The following RARB variants were observed in gnomAD, a reference collection of about 807,000 sequenced individuals.
The protein encoded by RARB is retinoic acid receptor beta.
In RARB, 17 loss-of-function variants were observed where a neutral mutation model predicts 51.9. The ratio of observed to expected loss-of-function variants is 0.33; its 90% CI spans 0.22 to 0.49. The LOEUF (loss-of-function observed/expected upper bound fraction) is 0.49, where lower values mean the gene tolerates loss of function less well. RARB is among the 20% of genes least tolerant of loss of function. The pLI is 0.99. For missense variants in RARB, 369 were observed against 550.8 expected, an observed-to-expected ratio of 0.67 and a Z score of 3.30; for synonymous variants, 215 against 195.4, an observed-to-expected ratio of 1.10 and a Z score of -0.84.
intron 4 of RARB, among the ~76,000 whole-genome samples, chr3:25,152,208 G>C (rs1286473808): frequency 6.6e-6 from 1 of 152,172 alleles, no homozygotes; most frequent in Non-Finnish European, 1.5e-5. Flanking sequence ...CTCTAGACAT[G>C]TGGATGTCGG....
intron 5 of RARB, among the ~76,000 whole-genome samples, chr3:25,417,251 G>A (rs75348284): frequency 0.073 from 11,061 of 151,372 alleles, 428 homozygotes; most frequent in Middle Eastern, 0.14. Context: ...TGTGAGAATG[G>A]AAATTAGCTG....
At chr3:24,981,553 C>T (rs1184426195) in intron 2 of RARB, among the ~76,000 whole-genome samples, 2 of 152,302 alleles carry the variant, frequency 1.3e-5, no homozygotes, top group East Asian at 3.9e-4. Flanking sequence ...GCTGCGTTAG[C>T]AGAGAGCAAG....
At chr3:25,024,066 G>C (rs1039400655) in intron 2 of RARB, among the ~76,000 whole-genome samples, 3 of 152,136 alleles carry the variant, frequency 2.0e-5, no homozygotes, top group African/African-American at 7.2e-5. Flanking sequence ...TCTACTCTCA[G>C]AGTCTTCCAG....
At chr3:25,286,140 G>C (rs1156750519) in intron 5 of RARB, among the ~76,000 whole-genome samples, 5 of 127,154 alleles carry the variant, frequency 3.9e-5, no homozygotes, top group Non-Finnish European at 6.3e-5. Context: ...CAAGGCTGGA[G>C]TGCAGTGGCA....
intron 2 of RARB, among the ~76,000 whole-genome samples, chr3:24,940,291 G>A (rs77349451): frequency 0.034 from 5,101 of 152,158 alleles, 188 homozygotes; most frequent in East Asian, 0.18. Flanking sequence ...GGAGCAGCTC[G>A]GTGGGTGGGA....
chr3:24,929,296 G>C (rs557941124), intron 2 of RARB, among the ~76,000 whole-genome samples: 1 of 152,202 alleles, frequency 6.6e-6, no homozygotes, highest in South Asian at 2.1e-4. Context: ...AGAAGTTAGA[G>C]TGCATAGTGA....
chr3:24,951,212 A>G (rs1353246484), intron 2 of RARB, among the ~76,000 whole-genome samples: 1 of 152,144 alleles, frequency 6.6e-6, no homozygotes, highest in Non-Finnish European at 1.5e-5. Context: ...GCTCCAAGTC[A>G]TGGTGTTAGA....
At chr3:25,536,134 A>G (rs545496077) in intron 3 of RARB, among the ~76,000 whole-genome samples, 29 of 152,320 alleles carry the variant, frequency 1.9e-4, no homozygotes, top group South Asian at 6.2e-4. Flanking sequence ...TCACCATTCA[A>G]AACATATTCA....
chr3:25,165,441 G>A (rs1364452208), intron 4 of RARB, among the ~76,000 whole-genome samples: 1 of 152,130 alleles, frequency 6.6e-6, no homozygotes, highest in Non-Finnish European at 1.5e-5. Context: ...AACATCCAAT[G>A]TGGAGACTCC....
chr3:25,062,661 A>T (rs1376870906), intron 3 of RARB, among the ~76,000 whole-genome samples: 1 of 151,962 alleles, frequency 6.6e-6, no homozygotes, highest in East Asian at 1.9e-4. Flanking sequence ...AGCCAGTGCA[A>T]AAAAACACAT....
chr3:25,511,851 G>T (rs1378794734), intron 3 of RARB, among the ~76,000 whole-genome samples: 1 of 152,184 alleles, frequency 6.6e-6, no homozygotes, highest in Non-Finnish European at 1.5e-5. Context: ...TCAAGGTTTA[G>T]ACCTTTCCTG....
intron 3 of RARB, among the ~76,000 whole-genome samples, chr3:25,567,977 G>A (rs561619157): frequency 1.1e-4 from 17 of 152,088 alleles, no homozygotes; most frequent in South Asian, 1.0e-3. Flanking sequence ...TCCTTTGCCC[G>A]CCGGCTTCTT....
intron 2 of RARB, among the ~76,000 whole-genome samples, chr3:25,052,009 A>C (rs1698342689): frequency 6.6e-6 from 1 of 152,118 alleles, no homozygotes; most frequent in African/African-American, 2.4e-5. Flanking sequence ...TGTTTTGTTG[A>C]TTGTGGATAC....
chr3:24,884,748 C>T (rs758231665), intron 2 of RARB, among the ~76,000 whole-genome samples: 7 of 151,946 alleles, frequency 4.6e-5, no homozygotes, highest in South Asian at 2.1e-4. Context: ...TTTTTGTCCT[C>T]GATAACATCT....
intron 2 of RARB, among the ~76,000 whole-genome samples, chr3:24,935,685 C>T (rs576103651): frequency 3.2e-4 from 48 of 152,242 alleles, no homozygotes; most frequent in African/African-American, 1.1e-3. Flanking sequence ...GATGGGAAAT[C>T]GGTGGAGTGT....
chr3:24,832,652 A>AT (rs1491520085), intron 1 of RARB, among the ~76,000 whole-genome samples: 6 of 61,068 alleles, frequency 9.8e-5, no homozygotes, highest in African/African-American at 4.7e-4. Flanking sequence ...TATATATATA[A>AT]TGTCAATTAA....
chr3:25,045,356 A>G (rs953494444), intron 2 of RARB, among the ~76,000 whole-genome samples: 2 of 152,160 alleles, frequency 1.3e-5, no homozygotes, highest in African/African-American at 4.8e-5. Context: ...GCAGTGAGAC[A>G]GGAGGGGGGT....
At chr3:25,231,805 C>T (rs927590898) in intron 5 of RARB, among the ~76,000 whole-genome samples, 6 of 152,058 alleles carry the variant, frequency 3.9e-5, no homozygotes, top group African/African-American at 1.4e-4. Flanking sequence ...ATATAATCTG[C>T]TTATATGGGT....
chr3:25,551,718 T>C (rs1311771516), intron 3 of RARB, among the ~76,000 whole-genome samples: 2 of 152,130 alleles, frequency 1.3e-5, no homozygotes, highest in African/African-American at 2.4e-5. Context: ...TCATTACACA[T>C]AGAATAAGAA....
Sources: allele counts gnomAD v4.1 joint callset (sites outside exome capture counted in the v4.1 genomes callset), GRCh38; gene constraint gnomAD v4.1.1; transcripts MANE v1.5; gene names NCBI Gene and HGNC (gene_info 2026-07-23, HGNC 2026-07-21).